Variants in DNASE1 observed in about 807,000 individuals in gnomAD.
The protein encoded by DNASE1 is deoxyribonuclease-1.
Under a neutral mutation model 33.9 loss-of-function variants are expected in DNASE1, and 40 were observed. The ratio of observed to expected loss-of-function variants is 1.18; its 90% CI spans 0.92 to 1.54. The LOEUF (loss-of-function observed/expected upper bound fraction) is 1.54, where lower values mean the gene tolerates loss of function less well. Ranked by LOEUF, DNASE1 falls within the 40% of genes most tolerant of loss-of-function variation. DNASE1 has a pLI of 0.00. For synonymous variants in DNASE1, 216 were observed against 160.0 expected (o/e 1.35, Z -2.64); for missense variants, 518 against 372.6 (o/e 1.39, Z -3.21).
At chr16:3,613,185 T>C (rs2040970762) in intron 1 of DNASE1, among the ~76,000 whole-genome samples, 1 of 151,978 alleles carries the variant, frequency 6.6e-6, no homozygotes, top group African/African-American at 2.4e-5. Flanking sequence ...TTTCTGTCTC[T>C]GTGGTTTTGC....
downstream of DNASE1, chr16:3,659,043 G>GAGAATCAGGAGTGTCAGTATT: frequency 1.6e-6 from 1 of 624,394 alleles, no homozygotes; most frequent in East Asian, 3.0e-5. Flanking sequence ...GAAAACCCAA[G>GAGAATCAGGAGTGTCAGTATT]AGAATCAGGA....
upstream of DNASE1, among the ~76,000 whole-genome samples, chr16:3,638,146 C>A (rs1010435501): frequency 7.3e-6 from 1 of 137,690 alleles, no homozygotes; most frequent in Non-Finnish European, 1.6e-5. Context: ...TGTGTTTTTC[C>A]CAGTACTTTA....
chr16:3,628,414 A>G (rs538453156), intron 1 of DNASE1, among the ~76,000 whole-genome samples: 1 of 152,186 alleles, frequency 6.6e-6, no homozygotes, highest in South Asian at 2.1e-4. Flanking sequence ...ATTTGGATAT[A>G]TATTTTTTTC....
At chr16:3,653,828 A>AAAAAAAAAAAAAAC, upstream of DNASE1, 1 of 146,608 alleles carries the variant, frequency 6.8e-6, no homozygotes, top group East Asian at 2.0e-4. Context: ...AAAAAAAAAA[A>AAAAAAAAAAAAAAC]AAAAAAAAAA....
chr16:3,661,923 A>G (rs2043099386), downstream of DNASE1: 1 of 1,509,350 alleles, frequency 6.6e-7, no homozygotes, highest in Non-Finnish European at 8.8e-7. Flanking sequence ...CCACAACAAA[A>G]GAACACCACA....
At chr16:3,617,354 GAATA>G (rs1464359563) in intron 1 of DNASE1, among the ~76,000 whole-genome samples, 1 of 81,288 alleles carries the variant, frequency 1.2e-5, no homozygotes, top group Non-Finnish European at 2.5e-5. Context: ...AAAAAAAAAA[GAATA>G]CTACAAGGGT....
At chr16:3,634,762 G>A (rs193266124) in intron 1 of DNASE1, among the ~76,000 whole-genome samples, 3 of 151,604 alleles carry the variant, frequency 2.0e-5, no homozygotes, top group East Asian at 1.9e-4. Context: ...AAGTCCTCCC[G>A]CCTCAGCCTC....
At chr16:3,638,444 TCTC>T (rs2041937836), upstream of DNASE1, among the ~76,000 whole-genome samples, 1 of 152,146 alleles carries the variant, frequency 6.6e-6, no homozygotes, top group Non-Finnish European at 1.5e-5. Context: ...TTCACGCCAT[TCTC>T]CTGCCTCAGC....
intron 7 of DNASE1, 53 bp from the exon 8 acceptor site, chr16:3,657,667 G>T (rs1004956495): frequency 2.5e-5 from 41 of 1,608,124 alleles, no homozygotes; most frequent in Non-Finnish European, 3.5e-5. Context: ...CGGGTGCTGA[G>T]CCAGGCCCAT....
intron 1 of DNASE1, among the ~76,000 whole-genome samples, chr16:3,618,611 C>T (rs1225074541): frequency 6.6e-6 from 1 of 152,110 alleles, no homozygotes; most frequent in African/African-American, 2.4e-5. Context: ...GTGCCTGAAT[C>T]CCAACTACTC....
At chr16:3,664,623 T>A in exon 10 of DNASE1, 1 of 710,120 alleles carries the variant, frequency 1.4e-6, no homozygotes, top group Admixed American at 3.2e-5. Flanking sequence ...GAGCAGGCCT[T>A]GCTCTGCCCA....
exon 10 of DNASE1, chr16:3,663,897 T>TA (rs1207893151): frequency 2.8e-6 from 1 of 360,066 alleles, no homozygotes; most frequent in Non-Finnish European, 5.1e-6. Flanking sequence ...ATGCCGTCTC[T>TA]ATTAAAAATA....
At chr16:3,656,550 G>GCCTGGGACGCGACGCCTGCCT in intron 4 of DNASE1, 88 bp from the exon 5 acceptor site, 1 of 1,142,636 alleles carries the variant, frequency 8.8e-7, no homozygotes, top group African/African-American at 1.5e-5. Flanking sequence ...CCCTCCTGTC[G>GCCTGGGACGCGACGCCTGCCT]CCTGGGACGC....
At chr16:3,659,884 G>C (rs552174641), downstream of DNASE1, 1 of 152,068 alleles carries the variant, frequency 6.6e-6, no homozygotes, top group East Asian at 1.9e-4. Flanking sequence ...CAAGTAACTG[G>C]GATTACAGGC....
At chr16:3,644,378 C>A (rs1433552837) in intron 1 of DNASE1, among the ~76,000 whole-genome samples, 1 of 152,142 alleles carries the variant, frequency 6.6e-6, no homozygotes, top group East Asian at 1.9e-4. Context: ...GCCTGGCCAA[C>A]ATGGTAAAAC....
chr16:3,649,076 G>A (rs1358436985), intron 1 of DNASE1, among the ~76,000 whole-genome samples: 1 of 152,174 alleles, frequency 6.6e-6, no homozygotes, highest in Non-Finnish European at 1.5e-5. Context: ...TAGATCTAGA[G>A]GTTTGATCAG....
chr16:3,640,717 AC>A, upstream of DNASE1: 1 of 398,526 alleles, frequency 2.5e-6, no homozygotes. Context: ...TCTTTTAGTG[AC>A]CACAATATGA....
chr16:3,613,251 G>A (rs1388660133), intron 1 of DNASE1, among the ~76,000 whole-genome samples: 1 of 152,024 alleles, frequency 6.6e-6, no homozygotes, highest in Non-Finnish European at 1.5e-5. Context: ...TTTTCTGCTG[G>A]GCTTTTATTA....
Position 3,656,032 on chromosome 16 carries a change from C to T in DNASE1, c.237-70C>T, listed in dbSNP as rs1596647954. On this transcript the variant is annotated intron_variant, in intron 3 of 8. Transcript: ENST00000246949. ...CCCAAGGGTGGGGACCTGGGCACAGCCTCGCTATCGGCAGCCAGAGGGGTC... is the reference window on the plus strand; with the variant it reads ...CCCAAGGGTGGGGACCTGGGCACAGTCTCGCTATCGGCAGCCAGAGGGGTC... 1.2e-5 allele frequency: 19 copies of T among 1,611,490 alleles called. No individual in the cohort carries two copies. The East Asian group carries it at 4.2e-4, about 36-fold the overall frequency.
Sources: gnomAD v4.1 joint callset for allele counts (sites outside exome capture counted in the v4.1 genomes callset) on GRCh38, gnomAD v4.1.1 for gene constraint, MANE v1.5 for transcripts, NCBI Gene and HGNC (gene_info 2026-07-23, HGNC 2026-07-21) for gene names.